Variants in ATP8B4 observed in about 807,000 individuals in gnomAD.
ATP8B4 encodes probable phospholipid-transporting ATPase IM.
ATP8B4 carries 133 observed loss-of-function variants against 145.6 expected under a neutral mutation model. The observed-to-expected ratio is 0.91, with a 90% CI of 0.79 to 1.05. ATP8B4 has a LOEUF of 1.05. Among genes scored for constraint, ATP8B4 ranks in the 50% least tolerant of loss-of-function variants. The pLI, the probability that ATP8B4 is intolerant of heterozygous loss-of-function variation, is 0.00. For missense variants in ATP8B4, 1,458 were observed against 1,425.2 expected (o/e 1.02, Z -0.37); for synonymous variants, 507 against 492.9 (o/e 1.03, Z -0.38).
chr15:49,916,543 A>T (rs146004145), intron 20 of ATP8B4, among the ~76,000 whole-genome samples: 2 of 152,230 alleles, frequency 1.3e-5, no homozygotes, highest in East Asian at 3.9e-4. Flanking sequence ...TTCCGTGTAG[A>T]TTCTTAATTT....
intron 25 of ATP8B4, among the ~76,000 whole-genome samples, chr15:49,874,146 C>T (rs921095692): frequency 6.6e-6 from 1 of 152,162 alleles, no homozygotes; most frequent in Non-Finnish European, 1.5e-5. Flanking sequence ...CAGACATTTC[C>T]ACTGCCTTCG....
At chr15:49,894,997 T>C (rs1246984114) in intron 23 of ATP8B4, 1 of 152,242 alleles carries the variant, frequency 6.6e-6, no homozygotes, top group Non-Finnish European at 1.5e-5. Flanking sequence ...ATAGACTGGC[T>C]AAACTGGGGA....
At chr15:50,038,918 A>C (rs763814555) in intron 5 of ATP8B4, 89 bp from the exon 6 acceptor site, 17 of 1,146,614 alleles carry the variant, frequency 1.5e-5, no homozygotes, top group Non-Finnish European at 2.2e-5. Context: ...GAGTTCATCC[A>C]TTTAAACTGT....
At chr15:49,928,982 C>A (rs1216436556) in intron 16 of ATP8B4, among the ~76,000 whole-genome samples, 1 of 152,086 alleles carries the variant, frequency 6.6e-6, no homozygotes, top group Non-Finnish European at 1.5e-5. Context: ...GCATCACCCA[C>A]AAGCTTGTTA....
intron 6 of ATP8B4, among the ~76,000 whole-genome samples, chr15:50,028,437 C>T (rs1489051646): frequency 6.6e-6 from 1 of 152,152 alleles, no homozygotes; most frequent in African/African-American, 2.4e-5. Flanking sequence ...CCCAACTAGG[C>T]TCCCAAAACC....
chr15:50,079,085 G>A (rs774453828), intron 2 of ATP8B4, among the ~76,000 whole-genome samples: 9 of 152,070 alleles, frequency 5.9e-5, no homozygotes, highest in Non-Finnish European at 1.3e-4. Flanking sequence ...AGTATAATTG[G>A]ATTGTTTCTA....
intron 2 of ATP8B4, among the ~76,000 whole-genome samples, chr15:50,094,795 A>T (rs1028507504): frequency 6.6e-6 from 1 of 151,408 alleles, no homozygotes; most frequent in Non-Finnish European, 1.5e-5. Context: ...ACATCAACTT[A>T]ATAAATACAG....
chr15:49,868,416 A>G (rs2033149806), intron 25 of ATP8B4, among the ~76,000 whole-genome samples: 1 of 152,254 alleles, frequency 6.6e-6, no homozygotes, highest in South Asian at 2.1e-4. Context: ...TCCTTTCTGA[A>G]GAAATTACTC....
intron 8 of ATP8B4, among the ~76,000 whole-genome samples, chr15:49,998,980 C>T (rs1383681893): frequency 6.6e-6 from 1 of 152,088 alleles, no homozygotes; most frequent in African/African-American, 2.4e-5. Context: ...TTCCCAGCAC[C>T]ATTTATTAAA....
intron 20 of ATP8B4, chr15:49,908,017 C>T: frequency 2.2e-6 from 1 of 455,918 alleles, no homozygotes. Context: ...CCACCTGAAC[C>T]ACGGACTACT....
Position 50,078,523 on chromosome 15 carries a change from A to T in ATP8B4, c.29-4338T>A, listed in dbSNP as rs547434455. ...GATAAATCTCACAAAATATATATCA[A>T]AATGACAAACAGGAGGAAAATGTGA... is the stretch of plus-strand genomic sequence containing the variant. On this transcript the variant is annotated intron_variant, in intron 2 of 27. Coordinates refer to ENST00000284509, the MANE Select transcript of ATP8B4 (RefSeq NM_024837.4). 2.6e-5 allele frequency among the ~76,000 whole-genome samples: 4 copies of T among 152,246 alleles called. No individual in the cohort carries two copies. The South Asian group carries it at 8.3e-4, about 32-fold the overall frequency.
At chr15:49,897,103 T>C in intron 23 of ATP8B4, 189 bp downstream of exon 23, 1 of 556,374 alleles carries the variant, frequency 1.8e-6, no homozygotes, top group East Asian at 2.9e-5. Flanking sequence ...AAATTCCAGC[T>C]AGATACATAT....
chr15:50,099,620 T>A (rs973563181), intron 2 of ATP8B4, among the ~76,000 whole-genome samples: 1 of 152,142 alleles, frequency 6.6e-6, no homozygotes, highest in East Asian at 1.9e-4. Context: ...GGGCCTCTCA[T>A]ACAAGCTATA....
intron 14 of ATP8B4, among the ~76,000 whole-genome samples, chr15:49,938,430 G>T (rs2041906570): frequency 6.6e-6 from 1 of 151,982 alleles, no homozygotes. Flanking sequence ...TCACACAAAT[G>T]GAAAACAGAA....
chr15:50,176,919 A>G (rs990186333), intron 1 of ATP8B4, among the ~76,000 whole-genome samples: 2 of 151,976 alleles, frequency 1.3e-5, no homozygotes, highest in Admixed American at 6.5e-5. Context: ...CCTTTTTTTC[A>G]TTCTCCAAAA....
At chr15:49,962,645 A>C (rs749178862) in intron 13 of ATP8B4, among the ~76,000 whole-genome samples, 1 of 152,226 alleles carries the variant, frequency 6.6e-6, no homozygotes, top group Non-Finnish European at 1.5e-5. Flanking sequence ...CCCTTCATCC[A>C]GAAATAACTA....
intron 1 of ATP8B4, among the ~76,000 whole-genome samples, chr15:50,148,166 C>T (rs1004260740): frequency 2.0e-5 from 3 of 152,058 alleles, no homozygotes; most frequent in East Asian, 1.9e-4. Context: ...CATGAGGAAA[C>T]ATCACATAAA....
At chr15:49,884,103 T>G (rs141734792) in intron 23 of ATP8B4, among the ~76,000 whole-genome samples, 2,493 of 152,318 alleles carry the variant, frequency 0.016, 35 homozygotes, top group Non-Finnish European at 0.024. Flanking sequence ...GTTCACTATT[T>G]TTTAACAAAT....
At chr15:49,919,023 C>G in intron 18 of ATP8B4, 73 bp from the exon 19 acceptor site, 1 of 1,113,202 alleles carries the variant, frequency 9.0e-7, no homozygotes, top group Non-Finnish European at 1.3e-6. Flanking sequence ...GGATTTCACT[C>G]ACAGATTCTG....
Sources: gnomAD v4.1 joint callset for allele counts (sites outside exome capture counted in the v4.1 genomes callset) on GRCh38, gnomAD v4.1.1 for gene constraint, MANE v1.5 for transcripts, NCBI Gene and HGNC (gene_info 2026-07-23, HGNC 2026-07-21) for gene names.